The following PCM1 variants were observed in gnomAD, a reference collection of about 807,000 sequenced individuals.
The protein encoded by PCM1 is pericentriolar material 1 protein.
Under a neutral mutation model 241.9 loss-of-function variants are expected in PCM1, and 157 were observed. That is an observed-to-expected ratio of 0.65 (90% CI 0.57 to 0.74). The LOEUF (loss-of-function observed/expected upper bound fraction) is 0.74, where lower values mean the gene tolerates loss of function less well. Among genes scored for constraint, PCM1 ranks in the 30% least tolerant of loss-of-function variants. The pLI, the probability that PCM1 is intolerant of heterozygous loss-of-function variation, is 0.00. For synonymous variants in PCM1, 1,085 were observed against 784.9 expected (o/e 1.38, Z -6.39); for missense variants, 3,478 against 2,360.1 (o/e 1.47, Z -9.81).
rs1178221485 is a variant in PCM1 at position 17,968,348 on chromosome 8, A to C, written c.3412+1178A>C. 2.0e-5 allele frequency among the ~76,000 whole-genome samples: 3 copies of C among 152,172 alleles called. No homozygotes were observed. The South Asian group carries it at 6.2e-4, about 31-fold the overall frequency. ...TTGAGCAAGGGATAACATGAAATTT[A>C]TATTTTAGAAAGATTACACTGGTGA... On this transcript the variant is annotated intron_variant, in intron 21 of 38. Transcript: ENST00000325083.
chr8:17,963,934 G>A (rs1480334744), intron 17 of PCM1, among the ~76,000 whole-genome samples: 1 of 151,882 alleles, frequency 6.6e-6, no homozygotes, highest in Non-Finnish European at 1.5e-5. Flanking sequence ...CTATTCTTGG[G>A]GTCCCAATAT....
chr8:18,019,644 T>G (rs567667038), intron 36 of PCM1, among the ~76,000 whole-genome samples: 3 of 151,902 alleles, frequency 2.0e-5, no homozygotes, highest in African/African-American at 7.2e-5. Context: ...CACAATAGGG[T>G]TCAAGCTCCT....
At position 17,946,194 on chromosome 8, in the gene PCM1, A is replaced by G. The variant is rs1179606512; in HGVS notation, c.784-992A>G. Among the ~76,000 whole-genome samples, 5 of 152,238 alleles carry G rather than the reference A, an allele frequency of 3.3e-5. No homozygotes were observed. The East Asian group carries it at 9.7e-4, about 29-fold the overall frequency. On this transcript the variant is annotated intron_variant, in intron 6 of 38. Coordinates refer to ENST00000325083, the MANE Select transcript of PCM1 (RefSeq NM_006197.4). ...ATCCATCCCTCTACTTTTAGACTAGATGATAACCTCCTAGCATTTTCGGGG... is the reference window on the plus strand; with the variant it reads ...ATCCATCCCTCTACTTTTAGACTAGGTGATAACCTCCTAGCATTTTCGGGG...
chr8:17,946,073 T>C (rs2063672857), intron 6 of PCM1, among the ~76,000 whole-genome samples: 1 of 152,216 alleles, frequency 6.6e-6, no homozygotes, highest in African/African-American at 2.4e-5. Flanking sequence ...AATTTGTCTC[T>C]GCTTTGCTTT....
At chr8:17,976,057 T>G (rs1038461882) in intron 23 of PCM1, among the ~76,000 whole-genome samples, 5 of 152,244 alleles carry the variant, frequency 3.3e-5, no homozygotes, top group Middle Eastern at 3.2e-3. Flanking sequence ...GGGTTCTTAC[T>G]GTCCTTGAAT....
At chr8:17,990,634 G>C (rs1293265621) in intron 27 of PCM1, among the ~76,000 whole-genome samples, 2 of 152,060 alleles carry the variant, frequency 1.3e-5, no homozygotes, top group African/African-American at 2.4e-5. Flanking sequence ...TACGTTTCTA[G>C]ACTGTGGCCA....
chr8:18,009,707 T>TAGA lies in PCM1; in HGVS notation c.5126_5128dup (p.Glu1709dup). 4.0e-6 allele frequency: 6 copies of TAGA among 1,509,986 alleles called. No individual in the cohort carries two copies. The highest frequency in any genetic ancestry group is 5.3e-6 in the Non-Finnish European group (6 of 1,130,978). The allele number at this position is 1,509,986 out of a possible 1,614,324, so 93.5% of individuals were successfully genotyped here. ...GTTAAACAGAGATGCAAAAGGAAAA[T>TAGA]AGAAGCAACTGGAGTGATACAATCT... On this transcript the variant is annotated inframe_insertion, in exon 31 of 39. Coordinates refer to ENST00000325083, the MANE Select transcript of PCM1 (RefSeq NM_006197.4).
chr8:18,015,260 A>AC (rs1182707197), intron 36 of PCM1, among the ~76,000 whole-genome samples: 1 of 152,046 alleles, frequency 6.6e-6, no homozygotes, highest in Non-Finnish European at 1.5e-5. Flanking sequence ...ATAAAAAAAA[A>AC]AAAAACTAGG....
At chr8:17,968,762 G>GTGTGTGTGTGTGTGTATA (rs373502456) in intron 21 of PCM1, among the ~76,000 whole-genome samples, 6 of 136,732 alleles carry the variant, frequency 4.4e-5, no homozygotes, top group African/African-American at 1.4e-4. Context: ...GTGTGTGTGT[G>GTGTGTGTGTGTGTGTATA]TATATATATA....
At chr8:17,950,766 A>G (rs1241506693) in intron 8 of PCM1, 42 bp downstream of exon 8, 5 of 1,054,008 alleles carry the variant, frequency 4.7e-6, no homozygotes, top group South Asian at 1.4e-5. Flanking sequence ...AAAAAATCAC[A>G]TTAATTAGAA....
chr8:18,011,883 TC>T lies in PCM1; in HGVS notation c.5511+58del, dbSNP rs1205129684. 9.0e-6 allele frequency: 13 copies of T among 1,448,000 alleles called. No individual in the cohort carries two copies. In the African/African-American group the frequency reaches 2.4e-4, roughly 27 times the overall value. 89.7% of individuals were successfully genotyped at this position (1,448,000 alleles called of 1,614,324 possible). On this transcript the variant is annotated intron_variant, in intron 34 of 38. Coordinates refer to ENST00000325083, the MANE Select transcript of PCM1 (RefSeq NM_006197.4). ...CAGCCTTATTTTAACTAATCAAACT[TC>T]CATCAGCCTTATTTTAACTAATCAA...
chr8:17,928,682 A>C (rs2057973199), intron 2 of PCM1, among the ~76,000 whole-genome samples: 1 of 127,580 alleles, frequency 7.8e-6, no homozygotes, highest in Non-Finnish European at 1.6e-5. Flanking sequence ...GCCCAGGCTG[A>C]GTGCAATGGC....
intron 5 of PCM1, 123 bp from the exon 6 acceptor site, chr8:17,939,568 C>G: frequency 2.0e-6 from 1 of 490,588 alleles, no homozygotes; most frequent in South Asian, 5.2e-5. Flanking sequence ...ACACAATAAT[C>G]CAAGTGTCTT....
At chr8:17,957,453 C>T (rs1006513030) in intron 12 of PCM1, 32 bp downstream of exon 12, 2 of 1,607,704 alleles carry the variant, frequency 1.2e-6, no homozygotes, top group East Asian at 2.2e-5. Flanking sequence ...TATAATTTTG[C>T]TGTGTTATTC....
intron 32 of PCM1, 103 bp from the exon 33 acceptor site, chr8:18,011,134 T>A: frequency 2.7e-6 from 2 of 737,004 alleles, no homozygotes; most frequent in Non-Finnish European, 3.9e-6. Context: ...TGGTTCTTTG[T>A]ATTTTTTATT....
At chr8:18,020,920 C>G (rs1057480151) in intron 36 of PCM1, among the ~76,000 whole-genome samples, 10 of 152,168 alleles carry the variant, frequency 6.6e-5, no homozygotes, top group Non-Finnish European at 4.4e-5. Context: ...TTCAGCTATT[C>G]TGCTGCCCTC....
In PCM1 at chr8:17,960,085, A is replaced by C. The variant is rs373818330; in HGVS notation, c.2112A>C (p.Glu704Asp). 4 of 1,610,470 alleles carry C rather than the reference A, an allele frequency of 2.5e-6. No homozygotes were observed. Among genetic ancestry groups the C allele is most frequent in the African/African-American group, 1.3e-5 (1 of 74,896 alleles). ...SNLDDFYPAEEDTKQNSNNTR... is the reference protein window; with the variant it reads ...SNLDDFYPAEDDTKQNSNNTR... ...TGGATGATTTCTACCCAGCAGAAGA[A>C]GACACCAAGCAAAATTCAAATAACA... The change falls in exon 14 of 39, where the codon GAA becomes GAC. Residue 704 changes from glutamate to aspartate, a missense_variant. Glu to Asp is a conservative substitution (Grantham distance 45). Transcript: ENST00000325083.
At chr8:17,997,972 G>T (rs182372099) in intron 29 of PCM1, among the ~76,000 whole-genome samples, 1 of 151,320 alleles carries the variant, frequency 6.6e-6, no homozygotes, top group Non-Finnish European at 1.5e-5. Context: ...GGAGGCGGAG[G>T]TTGCAGTGAG....
chr8:17,924,371 A>G (rs2056012136), intron 1 of PCM1, among the ~76,000 whole-genome samples: 1 of 152,244 alleles, frequency 6.6e-6, no homozygotes, highest in African/African-American at 2.4e-5. Context: ...GTTGTTACAT[A>G]GTTTGAGTAA....
Sources: gnomAD v4.1 joint callset for allele counts (sites outside exome capture counted in the v4.1 genomes callset) on GRCh38, gnomAD v4.1.1 for gene constraint, MANE v1.5 for transcripts, NCBI Gene and HGNC (gene_info 2026-07-23, HGNC 2026-07-21) for gene names.